Variants in ITGA9 observed in about 807,000 individuals in gnomAD.
ITGA9 encodes the protein integrin alpha-9.
Under a neutral mutation model 127.8 loss-of-function variants are expected in ITGA9, and 56 were observed. The ratio of observed to expected loss-of-function variants is 0.44; its 90% CI spans 0.35 to 0.55. The LOEUF is 0.55. Ranked by LOEUF, ITGA9 falls within the 20% of genes least tolerant of loss-of-function variation. The pLI is 0.00. For missense variants in ITGA9, 1,196 were observed against 1,347.1 expected, an observed-to-expected ratio of 0.89 and a Z score of 1.76; for synonymous variants, 508 against 514.5, an observed-to-expected ratio of 0.99 and a Z score of 0.17.
intron 16 of ITGA9, among the ~76,000 whole-genome samples, chr3:37,637,033 T>C (rs909581894): frequency 6.6e-6 from 1 of 152,242 alleles, no homozygotes; most frequent in Non-Finnish European, 1.5e-5. Flanking sequence ...TTGGTTACTG[T>C]AGCCTTGTAG....
intron 23 of ITGA9, among the ~76,000 whole-genome samples, chr3:37,757,693 A>G (rs1392515691): frequency 6.6e-6 from 1 of 151,766 alleles, no homozygotes; most frequent in Non-Finnish European, 1.5e-5. Context: ...TATTCACACA[A>G]AGATAAAATC....
At chr3:37,555,056 G>A (rs969596928) in intron 15 of ITGA9, among the ~76,000 whole-genome samples, 1 of 152,162 alleles carries the variant, frequency 6.6e-6, no homozygotes, top group African/African-American at 2.4e-5. Context: ...CTGAGCTGTG[G>A]ACACTCCAAC....
At chr3:37,779,464 T>C (rs1696948869) in intron 24 of ITGA9, among the ~76,000 whole-genome samples, 1 of 152,238 alleles carries the variant, frequency 6.6e-6, no homozygotes. Context: ...CATGACTTCT[T>C]AGCCCTCTTA....
intron 16 of ITGA9, among the ~76,000 whole-genome samples, chr3:37,641,606 T>C (rs1202994670): frequency 1.3e-5 from 2 of 152,050 alleles, no homozygotes; most frequent in African/African-American, 4.8e-5. Flanking sequence ...CCACCATCAT[T>C]TGTCACCTAG....
intron 13 of ITGA9, among the ~76,000 whole-genome samples, chr3:37,527,336 C>T (rs1482192908): frequency 6.6e-6 from 1 of 152,194 alleles, no homozygotes; most frequent in Non-Finnish European, 1.5e-5. Context: ...CGGGGACTAT[C>T]TGCAGTACAT....
chr3:37,580,340 C>T (rs1164704073), intron 15 of ITGA9, among the ~76,000 whole-genome samples: 3 of 152,100 alleles, frequency 2.0e-5, no homozygotes, highest in South Asian at 2.1e-4. Flanking sequence ...GGCTGGAAGG[C>T]GGGGCTTTCC....
At chr3:37,745,245 A>G (rs1339386279) in intron 22 of ITGA9, among the ~76,000 whole-genome samples, 1 of 152,242 alleles carries the variant, frequency 6.6e-6, no homozygotes, top group Admixed American at 6.5e-5. Flanking sequence ...TTCTCCCAGC[A>G]ACAGACTGCG....
chr3:37,580,467 G>A (rs13320561), intron 15 of ITGA9, among the ~76,000 whole-genome samples: 3,184 of 152,264 alleles, frequency 0.021, 93 homozygotes, highest in African/African-American at 0.071. Context: ...TCTTGGGAGA[G>A]GTGATGTAAC....
intron 16 of ITGA9, among the ~76,000 whole-genome samples, chr3:37,646,288 C>A (rs1161612366): frequency 6.6e-6 from 1 of 152,186 alleles, no homozygotes; most frequent in Non-Finnish European, 1.5e-5. Context: ...GACCATATAG[C>A]CTACAAGCCC....
At chr3:37,719,509 A>C (rs1424393698) in intron 18 of ITGA9, among the ~76,000 whole-genome samples, 1 of 152,116 alleles carries the variant, frequency 6.6e-6, no homozygotes, top group Non-Finnish European at 1.5e-5. Flanking sequence ...GCTTGTGCAG[A>C]GGGAGAGGAT....
intron 18 of ITGA9, among the ~76,000 whole-genome samples, chr3:37,699,237 C>T (rs1342180701): frequency 1.3e-5 from 2 of 152,152 alleles, no homozygotes; most frequent in African/African-American, 2.4e-5. Context: ...CAAATTTTCC[C>T]CTCCAGCCCA....
chr3:37,537,485 G>A (rs1323471214), intron 14 of ITGA9, among the ~76,000 whole-genome samples: 1 of 152,234 alleles, frequency 6.6e-6, no homozygotes, highest in Non-Finnish European at 1.5e-5. Flanking sequence ...GAGGACAACA[G>A]CTTCATAAAC....
At position 37,471,014 on chromosome 3, in the gene ITGA9, G is replaced by T; in HGVS notation, c.193G>T (p.Val65Leu). The T allele has an allele frequency of 1.2e-6, 2 of 1,614,130 alleles. No homozygotes were observed. Among genetic ancestry groups the T allele is most frequent in the East Asian group, 2.2e-5 (1 of 44,876 alleles). Residue 65 changes from valine (V) to leucine (L), a missense_variant, in exon 2 of 28, where the codon GTG becomes TTG. Physicochemically the swap from Val to Leu is conservative, Grantham distance 32. Coordinates refer to ENST00000264741, the MANE Select transcript of ITGA9 (RefSeq NM_002207.3). ...CTTTTTCTCTTGCTGCAGGGTCCTTGTGGGCGCACCAAAGGCAGATTCCAA... is the reference window on the plus strand; with the variant it reads ...CTTTTTCTCTTGCTGCAGGGTCCTTTTGGGCGCACCAAAGGCAGATTCCAA... ...HFHDNTRWVL[V>L]GAPKADSKYS...
At chr3:37,632,037 GT>G (rs1398609660) in intron 16 of ITGA9, among the ~76,000 whole-genome samples, 2 of 152,156 alleles carry the variant, frequency 1.3e-5, no homozygotes, top group African/African-American at 4.8e-5. Context: ...TTTCTACTCA[GT>G]CCTTTTACCT....
rs78477383 is a variant in ITGA9, at chr3:37,652,552, C to T, written c.1840-1162C>T. On this transcript the variant is annotated intron_variant, in intron 16 of 27. Transcript: ENST00000264741. The stretch of plus-strand genomic sequence containing the variant: ...GCAGGGGAATATGAATTTTCATAGG[C>T]GAAATTACTCTGTCTGGTCGAGTCT... 4.4e-3 allele frequency among the ~76,000 whole-genome samples: 663 copies of T among 152,182 alleles called. 2 individuals carry two copies. The highest frequency in any genetic ancestry group is 8.0e-3 in the African/African-American group (331 of 41,520).
chr3:37,498,721 A>G (rs545388232), intron 5 of ITGA9, among the ~76,000 whole-genome samples: 3 of 152,052 alleles, frequency 2.0e-5, no homozygotes, highest in Non-Finnish European at 4.4e-5. Context: ...TCTGGGCGCC[A>G]CTCTGTCCTC....
chr3:37,506,019 C>A lies in ITGA9; in HGVS notation c.762C>A (p.Gly254=). ...GTTCAGGCTACGCAGTGACCGCTGG[C>A]CACTTCTCTCACCCGTCCACCATTG... The part of the protein sequence containing the change: ...YTYLGYAVTA[G]HFSHPSTIDV... The change falls in exon 7 of 28, where the codon GGC becomes GGA. Residue 254 remains glycine, a synonymous_variant. Transcript: ENST00000264741. 1 of 1,608,452 alleles carries A rather than the reference C, an allele frequency of 6.2e-7. No individual in the cohort carries two copies. Among genetic ancestry groups the A allele is most frequent in the Admixed American group, 1.7e-5 (1 of 59,308 alleles).
chr3:37,765,080 C>A (rs889158166), intron 23 of ITGA9, among the ~76,000 whole-genome samples: 10 of 152,132 alleles, frequency 6.6e-5, no homozygotes, highest in African/African-American at 2.4e-4. Context: ...GCATTTGGTG[C>A]CGAGACCATA....
chr3:37,505,938 TG>T, intron 6 of ITGA9, 61 bp from the exon 7 acceptor site: 1 of 1,151,126 alleles, frequency 8.7e-7, no homozygotes, highest in Non-Finnish European at 1.3e-6. Flanking sequence ...CTCTGATGGA[TG>T]TTTTTTTTTC....
Sources: allele counts gnomAD v4.1 joint callset (sites outside exome capture counted in the v4.1 genomes callset), GRCh38; gene constraint gnomAD v4.1.1; transcripts MANE v1.5; gene names NCBI Gene and HGNC (gene_info 2026-07-23, HGNC 2026-07-21).